Variants in SMARCA2 observed in about 807,000 individuals in gnomAD.
The protein encoded by SMARCA2 is SWI/SNF-related matrix-associated actin-dependent regulator of chromatin subfamily A member 2.
Under a neutral mutation model 199.8 loss-of-function variants are expected in SMARCA2, and 61 were observed. That is an observed-to-expected ratio of 0.31 (90% CI 0.25 to 0.38). The LOEUF (loss-of-function observed/expected upper bound fraction) is 0.38. SMARCA2 is among the 10% of genes least tolerant of loss of function. SMARCA2 has a pLI of 1.00. For missense variants in SMARCA2, 1,344 were observed against 2,012.2 expected (o/e 0.67, Z 6.35); for synonymous variants, 935 against 732.0 (o/e 1.28, Z -4.48).
Position 2,070,481 on chromosome 9 carries a change from C to T in SMARCA2, c.1746+10C>T, listed in dbSNP as rs140722679. On this transcript the variant is annotated intron_variant, in intron 10 of 33. Coordinates refer to ENST00000349721, the MANE Select transcript of SMARCA2 (RefSeq NM_003070.5). ...GGGACCGGATGGAGAGGTAAGGGAT[C>T]GTCATCCTTTCCACTGTGTTCTGCT... 1.7e-4 allele frequency: 274 copies of T among 1,607,420 alleles called. No homozygotes were observed. The highest frequency in any genetic ancestry group is 9.3e-4 in the African/African-American group (70 of 74,912).
intron 22 of SMARCA2, among the ~76,000 whole-genome samples, chr9:2,102,073 A>G (rs1260212070): frequency 6.6e-6 from 1 of 152,058 alleles, no homozygotes; most frequent in Non-Finnish European, 1.5e-5. Flanking sequence ...TTCATTAGCA[A>G]TGGATGTTAA....
chr9:2,176,182 G>GTTTTTTTTTTTTTTTTT (rs56186732), intron 29 of SMARCA2, among the ~76,000 whole-genome samples: 68 of 104,138 alleles, frequency 6.5e-4, no homozygotes, highest in African/African-American at 2.3e-3. Context: ...CGCCCGGCCT[G>GTTTTTTTTTTTTTTTTT]TTTTTTTTTT....
At chr9:2,124,013 C>A in intron 27 of SMARCA2, 76 bp downstream of exon 27, 2 of 1,177,688 alleles carry the variant, frequency 1.7e-6, no homozygotes, top group Non-Finnish European at 2.5e-6. Flanking sequence ...GGGCCTAGAG[C>A]TGGGATTTTC....
chr9:2,053,025 A>G (rs1315539779), intron 5 of SMARCA2, among the ~76,000 whole-genome samples: 1 of 152,218 alleles, frequency 6.6e-6, no homozygotes, highest in Admixed American at 6.5e-5. Flanking sequence ...GTTTCTTAAC[A>G]TGGGTATGTT....
rs1432977247 is a variant in SMARCA2 at position 2,182,215 on chromosome 9, T to C, written c.4434T>C (p.Ala1478=). The C allele has an allele frequency of 6.2e-7, 1 of 1,613,136 alleles. No individual in the cohort carries two copies. The highest frequency in any genetic ancestry group is 1.3e-5 in the African/African-American group (1 of 74,914). The change falls in exon 31 of 34, where the codon GCT becomes GCC. Residue 1478 remains alanine (A), a synonymous_variant. Transcript: ENST00000349721. ...ATGTCATGCTTCTCTGTCACAACGC[T>C]CAGACGTTCAACCTGGAGGGATCCC... ...EKDVMLLCHN[A]QTFNLEGSQI...
chr9:2,148,370 G>C (rs980055597), intron 27 of SMARCA2, among the ~76,000 whole-genome samples: 1 of 151,630 alleles, frequency 6.6e-6, no homozygotes, highest in African/African-American at 2.4e-5. Flanking sequence ...GTAGTGGTCA[G>C]TTGAGTGAGC....
intron 4 of SMARCA2, chr9:2,040,497 T>C (rs947402591): frequency 1.3e-5 from 2 of 153,506 alleles, no homozygotes; most frequent in African/African-American, 4.8e-5. Flanking sequence ...TTGAGTTTCT[T>C]GACAATCAGA....
At chr9:2,024,618 A>G (rs2130151349) in intron 1 of SMARCA2, among the ~76,000 whole-genome samples, 1 of 152,262 alleles carries the variant, frequency 6.6e-6, no homozygotes, top group Middle Eastern at 3.4e-3. Flanking sequence ...AGTCCTTGCA[A>G]GATATCCCTT....
chr9:2,101,757 G>A (rs1034809692), intron 22 of SMARCA2, 141 bp downstream of exon 22: 36 of 479,268 alleles, frequency 7.5e-5, no homozygotes, highest in Admixed American at 1.2e-4. Context: ...TAACCAAAAC[G>A]GTATCAGCAT....
At chr9:2,144,063 C>T (rs570273832) in intron 27 of SMARCA2, among the ~76,000 whole-genome samples, 117 of 150,770 alleles carry the variant, frequency 7.8e-4, no homozygotes, top group East Asian at 4.7e-3. Context: ...ATAGGGGAGC[C>T]GGGAGATGGG....
Position 2,039,529 on chromosome 9 carries a change from G to T in SMARCA2, c.419G>T (p.Gly140Val). 6.2e-7 allele frequency: 1 copy of T among 1,614,064 alleles called. No individual in the cohort carries two copies. The highest frequency in any genetic ancestry group is 8.5e-7 in the Non-Finnish European group (1 of 1,180,012). ...APEHVSSPMS[G>V]GGPTPPQMPP... ...GAGCACGTCTCCAGCCCTATGTCTG[G>T]AGGAGGCCCAACTCCACCTCAGATG... The change falls in exon 4 of 34, where the codon GGA (glycine) becomes GTA (valine). Residue 140 changes from glycine (G) to valine (V), a missense_variant. Coordinates refer to ENST00000349721, the MANE Select transcript of SMARCA2 (RefSeq NM_003070.5). This position sits in a 1 kb window ranked among gnomAD's most constrained non-coding sequence, Gnocchi z 4.8.
intron 26 of SMARCA2, among the ~76,000 whole-genome samples, chr9:2,120,692 A>G (rs1320380482): frequency 1.3e-5 from 2 of 152,184 alleles, no homozygotes; most frequent in African/African-American, 2.4e-5. Flanking sequence ...ATGATCCACA[A>G]TAAAATTTTC....
At chr9:2,188,788 C>G (rs995748029) in intron 32 of SMARCA2, among the ~76,000 whole-genome samples, 4 of 152,184 alleles carry the variant, frequency 2.6e-5, no homozygotes, top group African/African-American at 7.2e-5. Flanking sequence ...TCTGGATGCT[C>G]TAGATAGGAA....
At chr9:2,160,707 G>T in intron 27 of SMARCA2, 1 of 626,374 alleles carries the variant, frequency 1.6e-6, no homozygotes, top group South Asian at 1.9e-5. Context: ...GAGGCAGGAG[G>T]AACAAATAAC....
At chr9:2,191,770 G>A (rs1457953049) in intron 33 of SMARCA2, 1 of 162,740 alleles carries the variant, frequency 6.1e-6, no homozygotes, top group African/African-American at 2.4e-5. Flanking sequence ...CAGTAGATTA[G>A]ATGGAAGAAT....
intron 27 of SMARCA2, among the ~76,000 whole-genome samples, chr9:2,137,308 C>G (rs1015500530): frequency 6.6e-6 from 1 of 152,180 alleles, no homozygotes; most frequent in African/African-American, 2.4e-5. Flanking sequence ...CCCTGATGAC[C>G]ACTCCTGCAT....
chr9:2,173,873 G>A (rs1433352197), intron 29 of SMARCA2, among the ~76,000 whole-genome samples: 1 of 152,170 alleles, frequency 6.6e-6, no homozygotes, highest in Non-Finnish European at 1.5e-5. Context: ...GCACACTTTG[G>A]GAAATGCTGA....
At chr9:2,149,727 G>A (rs559678194) in intron 27 of SMARCA2, among the ~76,000 whole-genome samples, 8 of 151,416 alleles carry the variant, frequency 5.3e-5, no homozygotes, top group Non-Finnish European at 1.2e-4. Context: ...CACTGGCCAT[G>A]TTCACCTTTG....
chr9:2,101,385 A>C (rs1346408352), intron 21 of SMARCA2, among the ~76,000 whole-genome samples, 185 bp from the exon 22 acceptor site: 1 of 152,112 alleles, frequency 6.6e-6, no homozygotes, highest in Non-Finnish European at 1.5e-5. Context: ...TACTTTTCTG[A>C]TGGAACAAAA....
Sources: allele counts gnomAD v4.1 joint callset (sites outside exome capture counted in the v4.1 genomes callset), GRCh38; gene constraint gnomAD v4.1.1; non-coding constraint Gnocchi (gnomAD v3.1); transcripts MANE v1.5; gene names NCBI Gene and HGNC (gene_info 2026-07-23, HGNC 2026-07-21).